The following CHD1 variants were observed in gnomAD, a reference collection of about 807,000 sequenced individuals.
CHD1 encodes the protein chromodomain helicase DNA binding protein 1, also known as ATP-dependent chromatin remodeler CHD1.
CHD1 carries 36 observed loss-of-function variants against 224.2 expected under a neutral mutation model. The observed-to-expected ratio is 0.16, with a 90% CI of 0.12 to 0.21. CHD1 has a LOEUF of 0.21. CHD1 is among the 10% of genes least tolerant of loss of function. CHD1 has a pLI of 1.00. For missense variants in CHD1, 1,378 were observed against 1,994.8 expected (o/e 0.69, Z 5.89); for synonymous variants, 668 against 658.3 (o/e 1.01, Z -0.23).
At position 98,854,399 on chromosome 5, in the gene CHD1, C is replaced by G. The variant is rs1747879755; in HGVS notation, c.*1981G>C. ...TTAGTAATAAATTAAAAAATGCCAGCCACCATCTTATGACTTAAGCATTAT... is the reference window on the plus strand; with the variant it reads ...TTAGTAATAAATTAAAAAATGCCAGGCACCATCTTATGACTTAAGCATTAT... On this transcript the variant is annotated 3_prime_UTR_variant, in exon 36 of 36. Transcript: ENST00000614616. 6.6e-6 allele frequency: 1 copy of G among 151,900 alleles called. No individual in the cohort carries two copies. The highest frequency in any genetic ancestry group is 2.4e-5 in the African/African-American group (1 of 41,360). 9.4% of individuals were successfully genotyped at this position (151,900 alleles called of 1,614,324 possible).
chr5:98,902,981 AAGTC>A lies in CHD1; in HGVS notation c.373-21_373-18del, dbSNP rs750150924. On this transcript the variant is annotated intron_variant, in intron 4 of 35. Transcript: ENST00000614616. ...AGAGGAATCCTGTAGAAAAGAAATA[AAGTC>A]AGTATCATCCACTAATGATTAGAAT... The A allele has an allele frequency of 2.9e-5, 43 of 1,506,722 alleles. No individual in the cohort carries two copies. Among genetic ancestry groups the A allele is most frequent in the East Asian group, 4.5e-5 (2 of 43,974 alleles). 93.3% of individuals were successfully genotyped at this position (1,506,722 alleles called of 1,614,324 possible). A position where few individuals can be genotyped will look rare whatever the true frequency, so the allele number is the denominator to read the frequency against.
chr5:98,894,083 G>A (rs558262935), intron 13 of CHD1, among the ~76,000 whole-genome samples: 1 of 152,166 alleles, frequency 6.6e-6, no homozygotes, highest in African/African-American at 2.4e-5. Flanking sequence ...CGCTACTTAA[G>A]AGCTGTGTTA....
chr5:98,877,740 A>G (rs886082444), intron 23 of CHD1, among the ~76,000 whole-genome samples: 5 of 152,130 alleles, frequency 3.3e-5, no homozygotes, highest in Non-Finnish European at 7.4e-5. Flanking sequence ...CACACACTCT[A>G]AAACAAAACT....
At chr5:98,872,378 A>G (rs1265808696) in intron 27 of CHD1, 39 bp downstream of exon 27, 3 of 1,582,982 alleles carry the variant, frequency 1.9e-6, no homozygotes, top group Admixed American at 1.8e-5. Context: ...CAATTATTGA[A>G]TAACAAAAAT....
At chr5:98,868,726 A>G in intron 30 of CHD1, 91 bp from the exon 31 acceptor site, 1 of 1,220,178 alleles carries the variant, frequency 8.2e-7, no homozygotes, top group South Asian at 1.7e-5. Flanking sequence ...TTACTGTCTC[A>G]TTTTATTCTA....
At chr5:98,915,587 T>G (rs921440523) in intron 2 of CHD1, among the ~76,000 whole-genome samples, 1 of 152,182 alleles carries the variant, frequency 6.6e-6, no homozygotes, top group African/African-American at 2.4e-5. Context: ...CATCTAAAAT[T>G]TATTATAGTA....
Position 98,859,868 on chromosome 5 carries a change from TTA to T in CHD1, c.4524+102_4524+103del. ...GGTGTTCAATGGTGATTTTTTAAAT[TTA>T]TCTTATTCATTCTGTATTTATTAAT... On this transcript the variant is annotated intron_variant, in intron 33 of 35. Coordinates refer to ENST00000614616, the MANE Select transcript of CHD1 (RefSeq NM_001270.4). The T allele has an allele frequency of 1.5e-5, 9 of 583,138 alleles. 2 individuals are homozygous for T. The highest frequency in any genetic ancestry group is 5.1e-5 in the South Asian group (2 of 39,268). The allele number at this position is 583,138 out of a possible 1,614,324, so 36.1% of individuals were successfully genotyped here.
At position 98,901,005 on chromosome 5, in the gene CHD1, T is replaced by G. The variant is rs1026422626; in HGVS notation, c.665A>C (p.Glu222Ala). ...TCTTTTATCATTATCATAATCTTCT[T>G]CATCATCATCCTCCTCAGATGAATC... ...QIDSSEEDDDEEDYDNDKRSS... is the reference protein window; with the variant it reads ...QIDSSEEDDDAEDYDNDKRSS... Residue 222 changes from glutamate to alanine, a missense_variant, in exon 7 of 36, where the codon GAA becomes GCA. By Grantham distance (107) the Glu-to-Ala change is moderately radical (BLOSUM62 -1). This residue lies in a region of CHD1 where 306 missense variants were observed against 298.1 expected (regional missense o/e 1.03). Transcript: ENST00000614616. 1 of 1,613,780 alleles carries G rather than the reference T, an allele frequency of 6.2e-7. No individual in the cohort carries two copies. Among genetic ancestry groups the G allele is most frequent in the Non-Finnish European group, 8.5e-7 (1 of 1,179,770 alleles).
intron 19 of CHD1, 134 bp from the exon 20 acceptor site, chr5:98,882,257 A>C: frequency 1.5e-6 from 1 of 648,972 alleles, no homozygotes; most frequent in Non-Finnish European, 2.5e-6. Flanking sequence ...CAAAATGAAA[A>C]TTTAAAAAAC....
At chr5:98,907,588 C>CAAAAAAAAAAAAAA (rs34839165) in intron 2 of CHD1, among the ~76,000 whole-genome samples, 2 of 87,522 alleles carry the variant, frequency 2.3e-5, no homozygotes, top group African/African-American at 4.1e-5. Context: ...AACTCCATCT[C>CAAAAAAAAAAAAAA]AAAAAAAAAA....
At chr5:98,923,374 T>C (rs868208273) in intron 2 of CHD1, among the ~76,000 whole-genome samples, 3 of 152,176 alleles carry the variant, frequency 2.0e-5, no homozygotes, top group East Asian at 1.9e-4. Flanking sequence ...TTAAGATGAG[T>C]ATGCATTGTA....
At chr5:98,924,477 C>T (rs1212142870) in intron 2 of CHD1, among the ~76,000 whole-genome samples, 1 of 152,152 alleles carries the variant, frequency 6.6e-6, no homozygotes, top group Non-Finnish European at 1.5e-5. Context: ...CAGTTCAATC[C>T]TTAGAGTTGA....
At chr5:98,913,902 T>C (rs1752581430) in intron 2 of CHD1, among the ~76,000 whole-genome samples, 1 of 152,148 alleles carries the variant, frequency 6.6e-6, no homozygotes, top group African/African-American at 2.4e-5. Context: ...AAGCCACTCA[T>C]TTCTTATGAT....
chr5:98,911,146 A>AAATATATATATATATATATAT (rs1491111295), intron 2 of CHD1, among the ~76,000 whole-genome samples: 1 of 39,132 alleles, frequency 2.6e-5, no homozygotes, highest in Non-Finnish European at 4.5e-5. Flanking sequence ...AAAAAAAAAA[A>AAATATATATATATATATATAT]ATATATATAT....
At position 98,869,886 on chromosome 5, in the gene CHD1, A is replaced by C. The variant is rs771532910; in HGVS notation, c.3979-4T>G. 1.3e-6 allele frequency: 2 copies of C among 1,583,000 alleles called. No individual in the cohort carries two copies. Among genetic ancestry groups the C allele is most frequent in the East Asian group, 4.5e-5 (2 of 44,600 alleles). On this transcript the variant is annotated splice_polypyrimidine_tract_variant and splice_region_variant and intron_variant, in intron 29 of 35. Transcript: ENST00000614616. ...CTTTTCTCCTCTTTGAACTTCCCTA[A>C]AAATCATTATTTTAATTTTAACCAA...
At position 98,897,277 on chromosome 5, in the gene CHD1, G is replaced by A; in HGVS notation, c.1409C>T (p.Pro470Leu). Residue 470 changes from proline (P) to leucine (L), a missense_variant, in exon 11 of 36, where the codon CCA becomes CTA. Physicochemically the swap from Pro to Leu is moderately conservative, Grantham distance 98 (BLOSUM62 -3). Coordinates refer to ENST00000614616, the MANE Select transcript of CHD1 (RefSeq NM_001270.4). ...GCCCTCATGTCCTCCAATATAGGATGGCTGCTTCTTCAGGGCTACAAACCT... is the reference window on the plus strand; with the variant it reads ...GCCCTCATGTCCTCCAATATAGGATAGCTGCTTCTTCAGGGCTACAAACCT... The part of the protein sequence containing the change: ...RPRFVALKKQ[P>L]SYIGGHEGLE... 1 of 1,610,872 alleles carries A rather than the reference G, an allele frequency of 6.2e-7. No individual in the cohort carries two copies. Among genetic ancestry groups the A allele is most frequent in the Non-Finnish European group, 8.5e-7 (1 of 1,177,530 alleles).
chr5:98,906,321 C>CCT (rs767101491), intron 2 of CHD1, among the ~76,000 whole-genome samples: 1 of 152,114 alleles, frequency 6.6e-6, no homozygotes, highest in Non-Finnish European at 1.5e-5. Context: ...CATCATGTCT[C>CCT]CTCTCTGGTC....
Position 98,928,661 on chromosome 5 carries a change from G to GGGGGAGGGGGAAGGGGACAGAC in CHD1, c.-293_-272dup. ...TCTCGGGGTAAGCAAGAGTCCGTGC[G>GGGGGAGGGGGAAGGGGACAGAC]GGGGAGGGGGAAGGGGACAGACGCG... On this transcript the variant is annotated 5_prime_UTR_variant, in exon 1 of 36. Transcript: ENST00000614616. 6.5e-6 allele frequency: 1 copy of GGGGGAGGGGGAAGGGGACAGAC among 152,890 alleles called. No individual in the cohort carries two copies. The highest frequency in any genetic ancestry group is 2.0e-4 in the South Asian group (1 of 4,934). The allele number at this position is 152,890 out of a possible 1,614,324, so 9.5% of individuals were successfully genotyped here. A position where few individuals can be genotyped will look rare whatever the true frequency, so the allele number is the denominator to read the frequency against.
chr5:98,928,344 G>A lies in CHD1; in HGVS notation c.-149+195C>T, dbSNP rs1171959207. Among the ~76,000 whole-genome samples the A allele has an allele frequency of 3.9e-5, 6 of 152,156 alleles. No individual in the cohort carries two copies. In the East Asian group the frequency reaches 1.2e-3, roughly 29 times the overall value. Reference sequence around the variant, plus strand: ...GGGCCGGCGCAAGGATGCGTTCTGCGGCCCCGGCCTGTACTCGCCGCTCAC... The same window carrying A: ...GGGCCGGCGCAAGGATGCGTTCTGCAGCCCCGGCCTGTACTCGCCGCTCAC... On this transcript the variant is annotated intron_variant, in intron 1 of 35. Coordinates refer to ENST00000614616, the MANE Select transcript of CHD1 (RefSeq NM_001270.4).
Sources: gnomAD v4.1 joint callset for allele counts (sites outside exome capture counted in the v4.1 genomes callset) on GRCh38, gnomAD v4.1.1 for gene constraint, gnomAD v4.1.1 regional missense constraint, MANE v1.5 for transcripts, NCBI Gene and HGNC (gene_info 2026-07-23, HGNC 2026-07-21) for gene names.